CES5A: variants seen among roughly 807,000 people sequenced by gnomAD.
The protein encoded by CES5A is carboxylesterase 5.
A neutral mutation model predicts 62.9 loss-of-function variants in CES5A; 67 were observed. The ratio of observed to expected loss-of-function variants is 1.07; its 90% confidence interval spans 0.88 to 1.31. The LOEUF (loss-of-function observed/expected upper bound fraction) is 1.31, where lower values mean the gene tolerates loss of function less well. Among genes scored for constraint, CES5A ranks in the 50% most tolerant of loss-of-function variants. The probability of loss-of-function intolerance (pLI) is 0.00; values close to 1 mark genes in which losing one functional copy is unlikely to be tolerated. For synonymous variants in CES5A, 296 were observed against 280.8 expected, an observed-to-expected ratio of 1.05 and a Z score of -0.54; for missense variants, 748 against 708.5, an observed-to-expected ratio of 1.06 and a Z score of -0.63.
chr16:55,955,179 A>G (rs2034596015), intron 1 of CES5A, among the ~76,000 whole-genome samples: 1 of 152,200 alleles, frequency 6.6e-6, no homozygotes, highest in South Asian at 2.1e-4. Context: ...GAACCGCAAG[A>G]GGCTACCAAA....
intron 2 of CES5A, among the ~76,000 whole-genome samples, chr16:55,939,496 T>G (rs1457651750): frequency 6.6e-6 from 1 of 152,176 alleles, no homozygotes; most frequent in Non-Finnish European, 1.5e-5. Context: ...GAATTATTTT[T>G]TCCCCTCTGT....
At position 55,865,284 on chromosome 16, in the gene CES5A, T is replaced by C. The variant is rs528689573; in HGVS notation, c.705+679A>G. On this transcript the variant is annotated intron_variant, in intron 5 of 12. Transcript: ENST00000290567. ...AATACACTATACAAATATATAGATA[T>C]AGATATAGATATATAGATAAACATC... 1.1e-4 allele frequency among the ~76,000 whole-genome samples: 16 copies of C among 152,316 alleles called. No individual in the cohort carries two copies. In the East Asian group the frequency reaches 3.1e-3, roughly 29 times the overall value.
chr16:55,944,212 C>T (rs537867629), intron 2 of CES5A: 16 of 664,556 alleles, frequency 2.4e-5, no homozygotes, highest in Non-Finnish European at 3.8e-5. Flanking sequence ...GCTGACAGTA[C>T]GACTCTGAAC....
At chr16:55,902,658 C>T (rs1482721309) in intron 1 of CES5A, among the ~76,000 whole-genome samples, 6 of 152,170 alleles carry the variant, frequency 3.9e-5, no homozygotes, top group Admixed American at 3.9e-4. Flanking sequence ...TGTCAGAGTC[C>T]TGAACCCAGG....
At chr16:55,914,349 G>C (rs2034123358) in intron 1 of CES5A, among the ~76,000 whole-genome samples, 1 of 152,106 alleles carries the variant, frequency 6.6e-6, no homozygotes, top group Admixed American at 6.5e-5. Flanking sequence ...ACTTAACCAG[G>C]GGGGTTGGCC....
In CES5A at chr16:55,955,943, A is replaced by G. The variant is rs2034605894; in HGVS notation, c.-58T>C. ...AGCATCCCAGCTGGCCTTGACACAG[A>G]GCCCCAGTCCTCTTGCACATCATGT... On this transcript the variant is annotated 5_prime_UTR_variant, in exon 1 of 14. Transcript: ENST00000521992. The G allele has an allele frequency of 7.9e-6, 12 of 1,510,896 alleles. No individual in the cohort carries two copies. The Middle Eastern group carries it at 6.7e-4, about 85-fold the overall frequency. 93.6% of individuals were successfully genotyped at this position (1,510,896 alleles called of 1,614,324 possible).
chr16:55,921,859 A>G (rs2034208799), intron 1 of CES5A, among the ~76,000 whole-genome samples: 1 of 152,050 alleles, frequency 6.6e-6, no homozygotes, highest in Non-Finnish European at 1.5e-5. Flanking sequence ...GTAAGTTGAG[A>G]CAAATAAAAG....
chr16:55,922,559 G>T (rs1204986663), intron 1 of CES5A, among the ~76,000 whole-genome samples: 2 of 151,858 alleles, frequency 1.3e-5, no homozygotes, highest in African/African-American at 2.4e-5. Context: ...AACATTAATA[G>T]ATCTAAAGGA....
intron 10 of CES5A, among the ~76,000 whole-genome samples, chr16:55,851,298 A>G (rs1221875378): frequency 6.6e-6 from 1 of 152,204 alleles, no homozygotes; most frequent in Non-Finnish European, 1.5e-5. Flanking sequence ...AAAACTCAGC[A>G]ACAAAAAACA....
chr16:55,849,483 G>T, intron 11 of CES5A, 141 bp downstream of exon 11: 1 of 863,164 alleles, frequency 1.2e-6, no homozygotes. Context: ...GGAAGGGAGG[G>T]CATTTTCCAG....
intron 1 of CES5A, among the ~76,000 whole-genome samples, chr16:55,886,581 A>T (rs1375637542): frequency 3.9e-5 from 6 of 152,202 alleles, no homozygotes; most frequent in Non-Finnish European, 8.8e-5. Flanking sequence ...TGATCTTGGC[A>T]ATACTGCTCC....
intron 1 of CES5A, among the ~76,000 whole-genome samples, chr16:55,900,140 C>T (rs898381697): frequency 6.6e-6 from 1 of 152,152 alleles, no homozygotes; most frequent in Non-Finnish European, 1.5e-5. Flanking sequence ...AGCCTGACCT[C>T]CATCGCAGGC....
chr16:55,878,911 CCACTGCACCCCAT>C (rs1173690162), upstream of CES5A, among the ~76,000 whole-genome samples: 2 of 147,520 alleles, frequency 1.4e-5, no homozygotes. Flanking sequence ...CTGCACCCTA[CCACTGCACCCCAT>C]CACTGCACCT....
At chr16:55,901,538 C>A (rs1177126123) in intron 1 of CES5A, among the ~76,000 whole-genome samples, 1 of 152,208 alleles carries the variant, frequency 6.6e-6, no homozygotes, top group Non-Finnish European at 1.5e-5. Flanking sequence ...GTTTGGGAAG[C>A]AAATTCCCCA....
upstream of CES5A, among the ~76,000 whole-genome samples, chr16:55,926,247 T>C (rs1277483235): frequency 2.6e-5 from 4 of 152,240 alleles, no homozygotes; most frequent in Non-Finnish European, 5.9e-5. Context: ...TATGTACATC[T>C]ATTATGTATA....
Position 55,906,963 on chromosome 16 carries a change from G to A in CES5A, c.-256+18360C>T, listed in dbSNP as rs184220568. On this transcript the variant is annotated intron_variant, in intron 1 of 12. Transcript: ENST00000518005. Reference sequence around the variant, plus strand: ...GCCTCAGTTTCCTCTTTCATGAAATGGAGAGGAATAGTCTCTGCCCATAGG... The same window carrying A: ...GCCTCAGTTTCCTCTTTCATGAAATAGAGAGGAATAGTCTCTGCCCATAGG... 1.8e-3 allele frequency among the ~76,000 whole-genome samples: 267 copies of A among 152,318 alleles called. 2 individuals are homozygous for A. Among genetic ancestry groups the A allele is most frequent in the African/African-American group, 5.8e-3 (240 of 41,586 alleles).
At chr16:55,916,642 C>CCT (rs1350078770) in intron 1 of CES5A, among the ~76,000 whole-genome samples, 1 of 152,228 alleles carries the variant, frequency 6.6e-6, no homozygotes, top group African/African-American at 2.4e-5. Flanking sequence ...CTAACACCAC[C>CCT]CTCTACTCAG....
intron 1 of CES5A, among the ~76,000 whole-genome samples, chr16:55,916,883 C>T (rs1352753792): frequency 6.6e-6 from 1 of 152,230 alleles, no homozygotes; most frequent in African/African-American, 2.4e-5. Flanking sequence ...AATCAACTCC[C>T]TGTGGTCAAA....
chr16:55,871,030 A>T (rs2033572850), intron 3 of CES5A, among the ~76,000 whole-genome samples: 1 of 152,136 alleles, frequency 6.6e-6, no homozygotes, highest in Non-Finnish European at 1.5e-5. Context: ...CTGGGTTAGC[A>T]TGGGAGTTAA....
Sources: gnomAD v4.1 joint callset for allele counts (sites outside exome capture counted in the v4.1 genomes callset) on GRCh38, gnomAD v4.1.1 for gene constraint, MANE v1.5 for transcripts, NCBI Gene and HGNC (gene_info 2026-07-23, HGNC 2026-07-21) for gene names.